The following VHL variants were observed in gnomAD, a reference collection of about 807,000 sequenced individuals.
VHL encodes the protein von Hippel-Lindau disease tumor suppressor.
A neutral mutation model predicts 19.2 loss-of-function variants in VHL; 10 were observed. The observed-to-expected ratio is 0.52, with a 90% CI of 0.32 to 0.89. The LOEUF (loss-of-function observed/expected upper bound fraction) is 0.89, where lower values mean the gene tolerates loss of function less well. Among genes scored for constraint, VHL ranks in the 40% least tolerant of loss-of-function variants. The pLI is 0.03. For synonymous variants in VHL, 167 were observed against 129.5 expected (o/e 1.29, Z -1.97); for missense variants, 328 against 292.7 (o/e 1.12, Z -0.88).
chr3:10,142,139 T>C lies in VHL; in HGVS notation c.292T>C (p.Tyr98His), dbSNP rs5030809. Residue 98 changes from tyrosine (Y) to histidine (H), a missense_variant, in exon 1 of 3, where the codon TAC becomes CAC. By Grantham distance (83) the Tyr-to-His change is moderately conservative. Coordinates refer to ENST00000256474, the MANE Select transcript of VHL (RefSeq NM_000551.4). ...WLNFDGEPQP[Y>H]PTLPPGTGRR... ...CAACTTCGACGGCGAGCCGCAGCCCTACCCAACGCTGCCGCCTGGCACGGG... is the reference window on the plus strand; with the variant it reads ...CAACTTCGACGGCGAGCCGCAGCCCCACCCAACGCTGCCGCCTGGCACGGG... The C allele has an allele frequency of 6.2e-7, 1 of 1,600,092 alleles. No homozygotes were observed. The highest frequency in any genetic ancestry group is 8.5e-7 in the Non-Finnish European group (1 of 1,179,614).
Position 10,141,802 on chromosome 3 carries a change from G to A in VHL, c.-46G>A, listed in dbSNP as rs1219913293. 6.5e-7 allele frequency: 1 copy of A among 1,535,482 alleles called. No individual in the cohort carries two copies. The highest frequency in any genetic ancestry group is 8.8e-7 in the Non-Finnish European group (1 of 1,140,076). ...CGCAGCTCCGCCCCGCGTCCGACCC[G>A]CGGATCCCGCGGCGTCCGGCCCGGG... On this transcript the variant is annotated 5_prime_UTR_variant, in exon 1 of 3. Transcript: ENST00000256474.
intron 1 of VHL, among the ~76,000 whole-genome samples, chr3:10,144,336 A>G (rs1696201237): frequency 6.6e-6 from 1 of 151,516 alleles, no homozygotes; most frequent in Non-Finnish European, 1.5e-5. Context: ...AAAAATTAGC[A>G]GGGCACATTC....
rs148013887 is a variant in VHL, at chr3:10,153,440, C to CAA, written c.*3481_*3482dup. 3.3e-5 allele frequency among the ~76,000 whole-genome samples: 5 copies of CAA among 149,510 alleles called. No individual in the cohort carries two copies. Among genetic ancestry groups the CAA allele is most frequent in the South Asian group, 2.1e-4 (1 of 4,726 alleles). ...GTGAAATTCCATCTCAAAAAGAAAC[C>CAA]AAAAAAACAAAAAAAAAACATGCCG... On this transcript the variant is annotated 3_prime_UTR_variant, in exon 3 of 3. Coordinates refer to ENST00000256474, the MANE Select transcript of VHL (RefSeq NM_000551.4).
intron 2 of VHL, 146 bp from the exon 3 acceptor site, chr3:10,149,641 C>G (rs984267886): frequency 3.1e-5 from 23 of 730,812 alleles, no homozygotes; most frequent in Non-Finnish European, 4.1e-5. Flanking sequence ...CAGCATAACA[C>G]ACTGCCACAT....
intron 2 of VHL, 88 bp from the exon 3 acceptor site, chr3:10,149,699 G>T: frequency 8.8e-7 from 1 of 1,131,024 alleles, no homozygotes; most frequent in Non-Finnish European, 1.3e-6. Flanking sequence ...TCCATCAGTA[G>T]TACAGGTAGT....
chr3:10,149,749 C>T (rs920035142), intron 2 of VHL, 38 bp from the exon 3 acceptor site: 3 of 1,573,556 alleles, frequency 1.9e-6, no homozygotes, highest in Non-Finnish European at 2.6e-6. Context: ...TACTGAGACC[C>T]TAGTCTGCCA....
At chr3:10,146,492 C>T (rs762113539) in intron 1 of VHL, 22 bp from the exon 2 acceptor site, 22 of 1,612,772 alleles carry the variant, frequency 1.4e-5, no homozygotes, top group Non-Finnish European at 1.8e-5. Flanking sequence ...GGCTCTTTAA[C>T]AACCTTTGCT....
In VHL at chr3:10,150,361, C is replaced by T. The variant is rs1323878469; in HGVS notation, c.*396C>T. The T allele has an allele frequency of 5.6e-5, 69 of 1,224,452 alleles. 1 individual carries two copies. The South Asian group carries it at 9.9e-4, about 18-fold the overall frequency. The allele number at this position is 1,224,452 out of a possible 1,614,324, so 75.8% of individuals were successfully genotyped here. A position where few individuals can be genotyped will look rare whatever the true frequency, so the allele number is the denominator to read the frequency against. The stretch of plus-strand genomic sequence containing the variant: ...TAATACATCCATTCTACATCCGTAG[C>T]GGTTGGTGACTTGTCTGCCTCCTGC... On this transcript the variant is annotated 3_prime_UTR_variant, in exon 3 of 3. Coordinates refer to ENST00000256474, the MANE Select transcript of VHL (RefSeq NM_000551.4).
At chr3:10,144,970 C>T (rs1324779088) in intron 1 of VHL, among the ~76,000 whole-genome samples, 1 of 152,108 alleles carries the variant, frequency 6.6e-6, no homozygotes, top group East Asian at 1.9e-4. Flanking sequence ...GCAGGTAGAT[C>T]CACCTGAGGT....
At position 10,149,950 on chromosome 3, in the gene VHL, A is replaced by G. The variant is rs758494789; in HGVS notation, c.627A>G (p.Gln209=). ...TGACACAGGAGCGCATTGCACATCA[A>G]CGGATGGGAGATTGAAGATTTCTGT... ...ERLTQERIAH[Q]RMGD The change falls in exon 3 of 3, where the codon CAA becomes CAG. Residue 209 remains glutamine (Q), a synonymous_variant. Coordinates refer to ENST00000256474, the MANE Select transcript of VHL (RefSeq NM_000551.4). 2.5e-6 allele frequency: 4 copies of G among 1,613,948 alleles called. No individual in the cohort carries two copies. The highest frequency in any genetic ancestry group is 2.2e-5 in the East Asian group (1 of 44,876).
intron 2 of VHL, among the ~76,000 whole-genome samples, chr3:10,148,524 C>T (rs962897006): frequency 1.3e-5 from 2 of 151,266 alleles, no homozygotes; most frequent in African/African-American, 2.4e-5. Flanking sequence ...CCGTTTTAGC[C>T]GGGATGGTCT....
intron 2 of VHL, among the ~76,000 whole-genome samples, chr3:10,148,192 A>T: frequency 6.6e-6 from 1 of 152,186 alleles, no homozygotes; most frequent in South Asian, 2.1e-4. Context: ...AAGGAAGTAG[A>T]TATATAAAAA....
In VHL at chr3:10,152,936, A is replaced by T. The variant is rs1696451090; in HGVS notation, c.*2971A>T. ...GGCGGATGGATCACCTGAGGTCAGG[A>T]GCTGAAGACCAGCCTGGCTAACATG... On this transcript the variant is annotated 3_prime_UTR_variant, in exon 3 of 3. Coordinates refer to ENST00000256474, the MANE Select transcript of VHL (RefSeq NM_000551.4). Among the ~76,000 whole-genome samples the T allele has an allele frequency of 6.6e-6, 1 of 151,634 alleles. No individual in the cohort carries two copies. The highest frequency in any genetic ancestry group is 2.0e-4 in the East Asian group (1 of 5,112).
rs1696383901 is a variant in VHL at position 10,150,504 on chromosome 3, A to G, written c.*539A>G. 1 of 414,946 alleles carries G rather than the reference A, an allele frequency of 2.4e-6. No individual in the cohort carries two copies. The highest frequency in any genetic ancestry group is 4.7e-5 in the Admixed American group (1 of 21,302). 25.7% of individuals were successfully genotyped at this position (414,946 alleles called of 1,614,324 possible). A position where few individuals can be genotyped will look rare whatever the true frequency, so the allele number is the denominator to read the frequency against. The stretch of plus-strand genomic sequence containing the variant: ...TTGTCAGAGGAACAAACCAGGGGAC[A>G]CTTTGTTAGAAAGTGCTTAGAGGTT... On this transcript the variant is annotated 3_prime_UTR_variant, in exon 3 of 3. Coordinates refer to ENST00000256474, the MANE Select transcript of VHL (RefSeq NM_000551.4).
chr3:10,146,993 T>G (rs1459922959), intron 2 of VHL, among the ~76,000 whole-genome samples: 1 of 152,128 alleles, frequency 6.6e-6, no homozygotes, highest in Non-Finnish European at 1.5e-5. Context: ...ATATTTTGGC[T>G]TATTTGTTGC....
At chr3:10,146,407 C>T (rs151143926) in intron 1 of VHL, 107 bp from the exon 2 acceptor site, 3 of 1,473,472 alleles carry the variant, frequency 2.0e-6, no homozygotes, top group African/African-American at 1.4e-5. Context: ...ATCTCCTGAC[C>T]TCATGATCCG....
At chr3:10,144,320 T>A (rs1049528418) in intron 1 of VHL, among the ~76,000 whole-genome samples, 12 of 129,286 alleles carry the variant, frequency 9.3e-5, no homozygotes, top group African/African-American at 2.3e-4. Flanking sequence ...AAAAAAAAAA[T>A]TCTTGAAAAA....
In VHL at chr3:10,142,180, C is replaced by T. The variant is rs765978945; in HGVS notation, c.333C>T (p.Ser111=). 1 of 1,598,236 alleles carries T rather than the reference C, an allele frequency of 6.3e-7. No homozygotes were observed. Among genetic ancestry groups the T allele is most frequent in the Non-Finnish European group, 8.5e-7 (1 of 1,179,402 alleles). ...LPPGTGRRIH[S]YRGHLWLFRD... ...CTGGCACGGGCCGCCGCATCCACAG[C>T]TACCGAGGTACGGGCCCGGCGCTTA... Residue 111 remains serine (S), a synonymous_variant, in exon 1 of 3, where the codon AGC becomes AGT. Transcript: ENST00000256474.
At chr3:10,146,393 C>G (rs1696256980) in intron 1 of VHL, 121 bp from the exon 2 acceptor site, 2 of 1,355,442 alleles carry the variant, frequency 1.5e-6, no homozygotes, top group Non-Finnish European at 2.1e-6. Flanking sequence ...CCAGGACGGT[C>G]TTGATCTCCT....
Sources: gnomAD v4.1 joint callset for allele counts (sites outside exome capture counted in the v4.1 genomes callset) on GRCh38, gnomAD v4.1.1 for gene constraint, MANE v1.5 for transcripts, NCBI Gene and HGNC (gene_info 2026-07-23, HGNC 2026-07-21) for gene names.